The following PHF3 variants were observed in gnomAD, a reference collection of about 807,000 sequenced individuals.
PHF3 encodes the protein PHD finger protein 3.
Under a neutral mutation model 178.4 loss-of-function variants are expected in PHF3, and 41 were observed. The ratio of observed to expected loss-of-function variants is 0.23; its 90% CI spans 0.18 to 0.30. PHF3 has a LOEUF of 0.30. Among genes scored for constraint, PHF3 ranks in the 10% least tolerant of loss-of-function variants. PHF3 has a pLI of 1.00. For missense variants in PHF3, 2,346 were observed against 2,398.1 expected (o/e 0.98, Z 0.45); for synonymous variants, 842 against 800.5 (o/e 1.05, Z -0.88).
intron 2 of PHF3, among the ~76,000 whole-genome samples, chr6:63,659,621 A>G (rs1293233032): frequency 2.0e-5 from 3 of 152,204 alleles, no homozygotes; most frequent in Non-Finnish European, 2.9e-5. Context: ...CCTTACCTGA[A>G]ATGCTTAGGA....
intron 1 of PHF3, among the ~76,000 whole-genome samples, chr6:63,639,576 G>A (rs1764487891): frequency 6.6e-6 from 1 of 152,112 alleles, no homozygotes; most frequent in South Asian, 2.1e-4. Flanking sequence ...TGTGTAGAGT[G>A]CATTATAGAG....
At chr6:63,688,407 C>G (rs1766844792) in intron 4 of PHF3, among the ~76,000 whole-genome samples, 1 of 135,138 alleles carries the variant, frequency 7.4e-6, no homozygotes. Context: ...GTGATCTTGG[C>G]TGACTGAAAC....
intron 3 of PHF3, 113 bp from the exon 4 acceptor site, chr6:63,684,016 G>T (rs775028601): frequency 9.0e-6 from 7 of 779,420 alleles, no homozygotes; most frequent in African/African-American, 3.5e-5. Context: ...ATACATTTTT[G>T]TTGAGCAAAT....
At chr6:63,671,088 T>C (rs1765895179) in intron 2 of PHF3, among the ~76,000 whole-genome samples, 1 of 152,156 alleles carries the variant, frequency 6.6e-6, no homozygotes, top group Admixed American at 6.6e-5. Flanking sequence ...AGATCCATAT[T>C]ATAAGATGGT....
Position 63,712,609 on chromosome 6 carries a change from G to T in PHF3, c.5021G>T (p.Arg1674Leu). The T allele has an allele frequency of 1.2e-6, 2 of 1,613,840 alleles. No homozygotes were observed. The highest frequency in any genetic ancestry group is 1.7e-6 in the Non-Finnish European group (2 of 1,179,926). ...TSESKDGDSCRNGEKHMLPGL... is the reference protein window; with the variant it reads ...TSESKDGDSCLNGEKHMLPGL... ...GAAAGCAAAGATGGAGATAGTTGCC[G>T]GAATGGAGAAAAACACATGCTGCCT... Residue 1674 changes from arginine to leucine, a missense_variant, in exon 16 of 16, where the codon CGG becomes CTG. Transcript: ENST00000262043.
At chr6:63,703,789 A>G (rs1767579582) in intron 11 of PHF3, 118 bp downstream of exon 11, 2 of 918,468 alleles carry the variant, frequency 2.2e-6, no homozygotes, top group Non-Finnish European at 3.2e-6. Flanking sequence ...TGAGGCACTC[A>G]CTCACAGTCT....
At chr6:63,669,310 G>A (rs1166680383) in intron 2 of PHF3, among the ~76,000 whole-genome samples, 4 of 152,180 alleles carry the variant, frequency 2.6e-5, no homozygotes, top group Admixed American at 1.3e-4. Context: ...GGAAACCAGT[G>A]ATTGTATTAT....
In PHF3 at chr6:63,674,917, A is replaced by G. The variant is rs1454955680; in HGVS notation, c.245-5083A>G. On this transcript the variant is annotated intron_variant, in intron 2 of 15. Transcript: ENST00000262043. The stretch of plus-strand genomic sequence containing the variant: ...CTGATTTGTAATTCTCCCCCTTTGT[A>G]TGGTATTAAAGTGATTTAAACAAAT... Among the ~76,000 whole-genome samples the G allele has an allele frequency of 2.0e-5, 3 of 152,174 alleles. No individual in the cohort carries two copies. In the East Asian group the frequency reaches 5.8e-4, roughly 29 times the overall value.
Position 63,713,267 on chromosome 6 carries a change from A to C in PHF3, c.5679A>C (p.Pro1893=), listed in dbSNP as rs577918626. The C allele has an allele frequency of 3.1e-6, 5 of 1,614,102 alleles. No homozygotes were observed. In the East Asian group the frequency reaches 1.1e-4, roughly 36 times the overall value. Residue 1893 remains proline (P), a synonymous_variant, in exon 16 of 16, where the codon CCA becomes CCC. Transcript: ENST00000262043. ...NFYQVKDIRR[P]ERRHSDPWGR... is the part of the protein sequence containing the mutation. ...ACCAGGTTAAAGACATTCGGAGGCCAGAAAGGCGCCATAGTGACCCTTGGG... is the reference window on the plus strand; with the variant it reads ...ACCAGGTTAAAGACATTCGGAGGCCCGAAAGGCGCCATAGTGACCCTTGGG...
chr6:63,698,372 CAT>C lies in PHF3; in HGVS notation c.2825+10_2825+11del, dbSNP rs780393711. Reference sequence around the variant, plus strand: ...CAAAGACATTCTTATGAAGAGGTAACATATATTTTTATTATAGAAGTATCAAT... The same window carrying C: ...CAAAGACATTCTTATGAAGAGGTAACATATTTTTATTATAGAAGTATCAAT... On this transcript the variant is annotated splice_donor_region_variant and intron_variant, in intron 7 of 15. Coordinates refer to ENST00000262043, the MANE Select transcript of PHF3 (RefSeq NM_001370348.2). The C allele has an allele frequency of 6.9e-6, 11 of 1,598,512 alleles. No individual in the cohort carries two copies. The highest frequency in any genetic ancestry group is 5.1e-5 in the Admixed American group (3 of 58,572).
intron 2 of PHF3, among the ~76,000 whole-genome samples, chr6:63,661,051 T>C (rs1765445292): frequency 6.6e-6 from 1 of 152,086 alleles, no homozygotes. Flanking sequence ...TAAACATGAA[T>C]CAGTAATGGG....
Position 63,706,838 on chromosome 6 carries a change from G to T in PHF3, c.3673G>T (p.Ala1225Ser). The T allele has an allele frequency of 7.4e-6, 12 of 1,613,878 alleles. No individual in the cohort carries two copies. The highest frequency in any genetic ancestry group is 1.0e-5 in the Non-Finnish European group (12 of 1,179,934). ...MPSVAKFVTK[A>S]YPVSGSPEYL... is the part of the protein sequence containing the mutation. ...TTCTGTGGCAAAATTTGTTACCAAA[G>T]CCTATCCAGTATCTGGCTCCCCAGA... The change falls in exon 13 of 16, where the codon GCC becomes TCC. Residue 1225 changes from alanine (A) to serine (S), a missense_variant. This residue lies in a region of PHF3 where 205 missense variants were observed against 212.4 expected (regional missense o/e 0.97). Transcript: ENST00000262043.
intron 2 of PHF3, among the ~76,000 whole-genome samples, chr6:63,666,669 AATAG>A (rs1582036587): frequency 6.6e-6 from 1 of 152,048 alleles, no homozygotes; most frequent in East Asian, 1.9e-4. Context: ...GTGCTGTGTA[AATAG>A]TTGTGGTGAA....
At chr6:63,680,911 C>A (rs1392828979) in intron 3 of PHF3, among the ~76,000 whole-genome samples, 1 of 151,974 alleles carries the variant, frequency 6.6e-6, no homozygotes, top group Non-Finnish European at 1.5e-5. Flanking sequence ...GAAGTCTGTG[C>A]TTTGTGCTTT....
chr6:63,684,838 A>T lies in PHF3; in HGVS notation c.1116A>T (p.Glu372Asp). ...CTAGTTGTGTAGATGAAGTGACTGA[A>T]TGTAATTTGGAATTGAAGGATACCA... ...GLPSCVDEVT[E>D]CNLELKDTMG... Residue 372 changes from glutamate to aspartate, a missense_variant, in exon 4 of 16, where the codon GAA (glutamate) becomes GAT (aspartate). Around this residue, in one of 8 missense-constraint regions of PHF3, gnomAD observed 843 missense variants for 795.2 expected, o/e 1.06. Transcript: ENST00000262043. 1 of 1,613,496 alleles carries T rather than the reference A, an allele frequency of 6.2e-7. No individual in the cohort carries two copies. Among genetic ancestry groups the T allele is most frequent in the Non-Finnish European group, 8.5e-7 (1 of 1,179,694 alleles).
rs138552118 is a variant in PHF3, at chr6:63,684,858, A to G, written c.1136A>G (p.Asp379Gly). 1.9e-6 allele frequency: 3 copies of G among 1,613,898 alleles called. No individual in the cohort carries two copies. Among genetic ancestry groups the G allele is most frequent in the African/African-American group, 2.7e-5 (2 of 74,920 alleles). The change falls in exon 4 of 16, where the codon GAT becomes GGT. Residue 379 changes from aspartate to glycine, a missense_variant. By Grantham distance (94) the Asp-to-Gly change is moderately conservative. Around this residue, in one of 8 missense-constraint regions of PHF3, gnomAD observed 843 missense variants for 795.2 expected, o/e 1.06. Coordinates refer to ENST00000262043, the MANE Select transcript of PHF3 (RefSeq NM_001370348.2). The stretch of plus-strand genomic sequence containing the variant: ...ACTGAATGTAATTTGGAATTGAAGG[A>G]TACCATGGGTATTGCTGATAAAACT... ...EVTECNLELKDTMGIADKTEN... is the reference protein window; with the variant it reads ...EVTECNLELKGTMGIADKTEN...
chr6:63,638,159 C>T (rs1764428367), intron 1 of PHF3, among the ~76,000 whole-genome samples: 1 of 152,088 alleles, frequency 6.6e-6, no homozygotes, highest in African/African-American at 2.4e-5. Context: ...TTAATCATTT[C>T]AAACTATGTT....
chr6:63,673,727 G>C (rs965863486), intron 2 of PHF3, among the ~76,000 whole-genome samples: 2 of 152,172 alleles, frequency 1.3e-5, no homozygotes, highest in Admixed American at 1.3e-4. Flanking sequence ...CCCTTTCTAA[G>C]CAAAAGCATC....
In PHF3 at chr6:63,684,915, C is replaced by G; in HGVS notation, c.1193C>G (p.Pro398Arg). The G allele has an allele frequency of 6.2e-7, 1 of 1,613,908 alleles. No individual in the cohort carries two copies. Among genetic ancestry groups the G allele is most frequent in the Non-Finnish European group, 8.5e-7 (1 of 1,179,930 alleles). Residue 398 changes from proline (P) to arginine (R), a missense_variant, in exon 4 of 16, where the codon CCG becomes CGG. Coordinates refer to ENST00000262043, the MANE Select transcript of PHF3 (RefSeq NM_001370348.2). The stretch of plus-strand genomic sequence containing the variant: ...ACCCTTGAAAGAAATAAAATTGAAC[C>G]GTTGGGTTATTGTGAAGATGCGGAG... ...ENTLERNKIE[P>R]LGYCEDAESN...
Sources: allele counts gnomAD v4.1 joint callset (sites outside exome capture counted in the v4.1 genomes callset), GRCh38; gene constraint gnomAD v4.1.1; regional missense constraint gnomAD v4.1.1; transcripts MANE v1.5; gene names NCBI Gene and HGNC (gene_info 2026-07-23, HGNC 2026-07-21).